Variants in PALLD observed in about 807,000 individuals in gnomAD.
PALLD encodes palladin, cytoskeletal associated protein, also known as palladin.
PALLD carries 61 observed loss-of-function variants against 123.5 expected under a neutral mutation model. The ratio of observed to expected loss-of-function variants is 0.49; its 90% CI spans 0.40 to 0.61. The LOEUF is 0.61. Ranked by LOEUF, PALLD falls within the 20% of genes least tolerant of loss-of-function variation. The pLI is 0.00. For missense variants in PALLD, 1,273 were observed against 1,377.0 expected, an observed-to-expected ratio of 0.92 and a Z score of 1.20; for synonymous variants, 465 against 496.4, an observed-to-expected ratio of 0.94 and a Z score of 0.84.
intron 2 of PALLD, among the ~76,000 whole-genome samples, chr4:168,554,133 C>T (rs945879792): frequency 2.6e-5 from 4 of 152,116 alleles, no homozygotes; most frequent in South Asian, 2.1e-4. Flanking sequence ...ACATGAAGCC[C>T]GGTAGCTCTG....
rs35474736 is a variant in PALLD, at chr4:168,586,153, TAAAAAAAAAAAAAAAA to T, written c.908+73751_908+73766del. On this transcript the variant is annotated intron_variant, in intron 2 of 21. Transcript: ENST00000505667. ...CGCTTCTCCAGGTCCTCAAGAGACC[TAAAAAAAAAAAAAAAA>T]AAAAAAAAAGGCTTTCTAAGCAGTG... is the stretch of plus-strand genomic sequence containing the variant. 4.0e-3 allele frequency among the ~76,000 whole-genome samples: 305 copies of T among 75,540 alleles called. 2 individuals carry two copies. Among genetic ancestry groups the T allele is most frequent in the Non-Finnish European group, 6.2e-3 (247 of 40,062 alleles). 49.6% of individuals were successfully genotyped at this position (75,540 alleles called of 152,430 possible).
intron 10 of PALLD, among the ~76,000 whole-genome samples, chr4:168,719,220 C>T (rs1249748201): frequency 7.1e-6 from 1 of 140,212 alleles, no homozygotes; most frequent in African/African-American, 2.6e-5. Context: ...GTCTAAGTTT[C>T]AATGACCTAA....
At chr4:168,581,820 C>G (rs1464560863) in intron 2 of PALLD, among the ~76,000 whole-genome samples, 6 of 151,874 alleles carry the variant, frequency 4.0e-5, no homozygotes, top group Non-Finnish European at 7.4e-5. Context: ...TAGGTCATAT[C>G]AAAAAATCAT....
intron 10 of PALLD, among the ~76,000 whole-genome samples, chr4:168,750,137 G>T (rs1332655540): frequency 7.0e-6 from 1 of 143,386 alleles, no homozygotes; most frequent in Admixed American, 6.7e-5. Context: ...TGTAGAGACG[G>T]CGTTTCACCA....
In PALLD at chr4:168,845,140, G is replaced by A. The variant is rs545797350; in HGVS notation, c.1965-45782G>A. Among the ~76,000 whole-genome samples, 8 of 152,234 alleles carry A rather than the reference G, an allele frequency of 5.3e-5. No homozygotes were observed. In the East Asian group the frequency reaches 1.5e-3, roughly 29 times the overall value. On this transcript the variant is annotated intron_variant, in intron 10 of 21. Transcript: ENST00000505667. ...AGGCACCGGAGCAGAGGAGGTGAGGGAGGCTTTACCAGCTGTGGAAGGCCT... is the reference window on the plus strand; with the variant it reads ...AGGCACCGGAGCAGAGGAGGTGAGGAAGGCTTTACCAGCTGTGGAAGGCCT...
intron 10 of PALLD, among the ~76,000 whole-genome samples, chr4:168,749,217 C>T (rs1730707085): frequency 6.6e-6 from 1 of 152,248 alleles, no homozygotes; most frequent in South Asian, 2.1e-4. Flanking sequence ...TGAGTAAAAG[C>T]TTCCTGAGGT....
Position 168,709,158 on chromosome 4 carries a change from AG to A in PALLD, c.1621+12del. On this transcript the variant is annotated intron_variant, in intron 9 of 21. Coordinates refer to ENST00000505667, the MANE Select transcript of PALLD (RefSeq NM_001166108.2). ...TGGTTGTCACCTCAGGTATGTGAGGAGTAAAAAAAATGACTGGGTTCTGTTC... is the reference window on the plus strand; with the variant it reads ...TGGTTGTCACCTCAGGTATGTGAGGATAAAAAAAATGACTGGGTTCTGTTC... The A allele has an allele frequency of 6.2e-7, 1 of 1,613,414 alleles. No homozygotes were observed. The highest frequency in any genetic ancestry group is 1.1e-5 in the South Asian group (1 of 91,060).
At chr4:168,761,009 A>G (rs968569448) in intron 10 of PALLD, among the ~76,000 whole-genome samples, 1 of 152,174 alleles carries the variant, frequency 6.6e-6, no homozygotes, top group African/African-American at 2.4e-5. Context: ...TGTCCGATGC[A>G]TTTTTTGTTC....
chr4:168,646,206 T>C (rs1039078313), intron 2 of PALLD, among the ~76,000 whole-genome samples: 1 of 152,208 alleles, frequency 6.6e-6, no homozygotes, highest in African/African-American at 2.4e-5. Flanking sequence ...CTATGCCAGA[T>C]GCTATGCCTG....
intron 10 of PALLD, among the ~76,000 whole-genome samples, chr4:168,798,345 G>A (rs1025981394): frequency 6.6e-6 from 1 of 152,016 alleles, no homozygotes; most frequent in African/African-American, 2.4e-5. Context: ...AGGGTTTTTT[G>A]TTTGTTTGTT....
chr4:168,710,912 G>C (rs1784775148), intron 9 of PALLD, among the ~76,000 whole-genome samples: 1 of 152,174 alleles, frequency 6.6e-6, no homozygotes, highest in African/African-American at 2.4e-5. Flanking sequence ...TTATTTCTGA[G>C]CTTTTTGTTT....
At chr4:168,639,380 C>T (rs770116013) in intron 2 of PALLD, among the ~76,000 whole-genome samples, 4 of 152,244 alleles carry the variant, frequency 2.6e-5, no homozygotes, top group South Asian at 2.1e-4. Context: ...TTATTGTATC[C>T]GCATCCTCCA....
At chr4:168,572,585 T>C (rs1267964995) in intron 2 of PALLD, among the ~76,000 whole-genome samples, 1 of 151,982 alleles carries the variant, frequency 6.6e-6, no homozygotes, top group Admixed American at 6.6e-5. Context: ...AACACTTGAT[T>C]TGATATCCCC....
intron 2 of PALLD, among the ~76,000 whole-genome samples, chr4:168,524,359 T>A (rs1464402590): frequency 6.6e-6 from 1 of 152,216 alleles, no homozygotes; most frequent in Non-Finnish European, 1.5e-5. Flanking sequence ...AATAACATAC[T>A]AAGATATGAA....
At chr4:168,503,200 A>G (rs551459313) in intron 1 of PALLD, among the ~76,000 whole-genome samples, 1 of 152,322 alleles carries the variant, frequency 6.6e-6, no homozygotes, top group East Asian at 1.9e-4. Flanking sequence ...TCTCTAAACA[A>G]ATACTTGTAA....
chr4:168,516,235 A>G (rs1453042227), intron 2 of PALLD, among the ~76,000 whole-genome samples: 1 of 152,208 alleles, frequency 6.6e-6, no homozygotes, highest in African/African-American at 2.4e-5. Flanking sequence ...TTGAATTACT[A>G]CATTAAATGA....
chr4:168,497,570 T>C (rs567383641), intron 1 of PALLD, among the ~76,000 whole-genome samples: 3 of 152,322 alleles, frequency 2.0e-5, no homozygotes, highest in Admixed American at 2.0e-4. Context: ...TTCTAGACCC[T>C]CACCCATATT....
intron 10 of PALLD, among the ~76,000 whole-genome samples, chr4:168,745,547 A>G (rs1056248518): frequency 4.6e-5 from 7 of 152,122 alleles, no homozygotes; most frequent in African/African-American, 1.7e-4. Context: ...ACATCAAGGT[A>G]ATATAGGTAA....
At chr4:168,820,778 A>G (rs1019216858) in intron 10 of PALLD, among the ~76,000 whole-genome samples, 2 of 152,162 alleles carry the variant, frequency 1.3e-5, no homozygotes, top group South Asian at 4.1e-4. Context: ...TCCAGAAGCC[A>G]GGTATCCAGG....
Sources: gnomAD v4.1 joint callset for allele counts (sites outside exome capture counted in the v4.1 genomes callset) on GRCh38, gnomAD v4.1.1 for gene constraint, MANE v1.5 for transcripts, NCBI Gene and HGNC (gene_info 2026-07-23, HGNC 2026-07-21) for gene names.